Variants in KIAA1217 observed in about 807,000 individuals in gnomAD.
KIAA1217 encodes KIAA1217.
Under a neutral mutation model 163.9 loss-of-function variants are expected in KIAA1217, and 88 were observed. That is an observed-to-expected ratio of 0.54 (90% confidence interval 0.45 to 0.64). The LOEUF (loss-of-function observed/expected upper bound fraction) is 0.64. KIAA1217 is among the 30% of genes least tolerant of loss of function. The pLI is 0.00. For missense variants in KIAA1217, 2,372 were observed against 2,475.0 expected, an observed-to-expected ratio of 0.96 and a Z score of 0.88; for synonymous variants, 903 against 923.1, an observed-to-expected ratio of 0.98 and a Z score of 0.39.
intron 2 of KIAA1217, among the ~76,000 whole-genome samples, chr10:24,031,689 G>C (rs1407503607): frequency 4.6e-5 from 7 of 151,624 alleles, no homozygotes; most frequent in Admixed American, 3.3e-4. Flanking sequence ...TAATTTCACT[G>C]TTTGTGTGTG....
At chr10:24,324,628 A>G (rs888388797) in intron 2 of KIAA1217, among the ~76,000 whole-genome samples, 1 of 152,128 alleles carries the variant, frequency 6.6e-6, no homozygotes, top group Non-Finnish European at 1.5e-5. Context: ...ACTATGGATA[A>G]ATTGACCCAG....
intron 1 of KIAA1217, among the ~76,000 whole-genome samples, chr10:23,981,988 T>C (rs1845785305): frequency 6.7e-6 from 1 of 148,548 alleles, no homozygotes; most frequent in Admixed American, 6.7e-5. Flanking sequence ...CGCTGCAGAG[T>C]TGAGAGGTAG....
At chr10:23,986,570 GC>G (rs1447425597) in intron 1 of KIAA1217, among the ~76,000 whole-genome samples, 3 of 152,014 alleles carry the variant, frequency 2.0e-5, no homozygotes, top group Non-Finnish European at 4.4e-5. Context: ...TGACTGTACT[GC>G]TATTTTTTGT....
chr10:24,541,408 T>C (rs1297424414), intron 17 of KIAA1217, among the ~76,000 whole-genome samples: 1 of 152,028 alleles, frequency 6.6e-6, no homozygotes, highest in Non-Finnish European at 1.5e-5. Context: ...TGCGTGTGAT[T>C]AATTCTGACT....
intron 1 of KIAA1217, among the ~76,000 whole-genome samples, chr10:23,899,294 A>G (rs115260407): frequency 0.015 from 2,214 of 152,188 alleles, 56 homozygotes; most frequent in African/African-American, 0.048. Context: ...CCTGCATGAG[A>G]GTTCTTGTTG....
intron 1 of KIAA1217, among the ~76,000 whole-genome samples, chr10:23,960,101 G>C (rs1177036834): frequency 6.6e-6 from 1 of 150,742 alleles, no homozygotes; most frequent in African/African-American, 2.4e-5. Context: ...ATTTTTAGTA[G>C]AGATGGGGTT....
intron 1 of KIAA1217, among the ~76,000 whole-genome samples, chr10:23,909,733 G>C (rs146648933): frequency 0.017 from 2,657 of 152,184 alleles, 46 homozygotes; most frequent in Admixed American, 0.052. Flanking sequence ...TTGCTATTGT[G>C]AACAGTGCCG....
chr10:23,717,028 TGTTA>T (rs1285284742), intron 1 of KIAA1217, among the ~76,000 whole-genome samples: 2 of 152,150 alleles, frequency 1.3e-5, no homozygotes, highest in Non-Finnish European at 2.9e-5. Context: ...CAGAAATCCA[TGTTA>T]AACAACTAAC....
chr10:24,135,073 T>G (rs2063784625), intron 2 of KIAA1217, among the ~76,000 whole-genome samples: 2 of 152,184 alleles, frequency 1.3e-5, no homozygotes. Flanking sequence ...AGCTCCTACA[T>G]TCTGTGACCT....
At chr10:24,508,952 TAG>T (rs1200539864) in intron 9 of KIAA1217, among the ~76,000 whole-genome samples, 1 of 152,216 alleles carries the variant, frequency 6.6e-6, no homozygotes, top group African/African-American at 2.4e-5. Flanking sequence ...ATAAAATATA[TAG>T]CTGTCTTTCA....
At chr10:24,197,203 C>T (rs1197804661) in intron 2 of KIAA1217, among the ~76,000 whole-genome samples, 2 of 152,138 alleles carry the variant, frequency 1.3e-5, no homozygotes, top group African/African-American at 4.8e-5. Context: ...CATATATACA[C>T]GGTTTCAGCA....
chr10:24,372,618 C>T (rs955025391), intron 2 of KIAA1217, among the ~76,000 whole-genome samples: 15 of 152,158 alleles, frequency 9.9e-5, no homozygotes, highest in East Asian at 3.9e-4. Context: ...CAAACCTGCA[C>T]GCCAAAATAA....
intron 1 of KIAA1217, among the ~76,000 whole-genome samples, chr10:23,756,902 A>T (rs1833946776): frequency 6.6e-6 from 1 of 152,228 alleles, no homozygotes; most frequent in African/African-American, 2.4e-5. Flanking sequence ...GAAATGCTAT[A>T]CCCATTAAAC....
At chr10:24,232,935 C>CAAAAAAAAAAAAAAAAAAA (rs908492411) in intron 2 of KIAA1217, among the ~76,000 whole-genome samples, 2 of 56,318 alleles carry the variant, frequency 3.6e-5, no homozygotes, top group Non-Finnish European at 6.1e-5. Flanking sequence ...CTTATCTCTA[C>CAAAAAAAAAAAAAAAAAAA]AAAAAAAAAA....
At position 24,048,469 on chromosome 10, in the gene KIAA1217, G is replaced by A. The variant is rs897299897; in HGVS notation, c.-171+41095G>A. 3.9e-5 allele frequency among the ~76,000 whole-genome samples: 6 copies of A among 152,188 alleles called. No homozygotes were observed. The South Asian group carries it at 8.3e-4, about 21-fold the overall frequency. On this transcript the variant is annotated intron_variant, in intron 2 of 18. Transcript: ENST00000376462. ...GCCCAGGTTGGGCACGGTGGCTCAC[G>A]CCTTTAATCCCAGCACCTTGGGAGG...
intron 1 of KIAA1217, among the ~76,000 whole-genome samples, chr10:23,855,541 C>T (rs2131113806): frequency 6.6e-6 from 1 of 152,172 alleles, no homozygotes; most frequent in East Asian, 1.9e-4. Context: ...CTCTGTATTT[C>T]CTGAATCTGA....
chr10:24,249,643 T>G (rs1019895307), intron 2 of KIAA1217, among the ~76,000 whole-genome samples: 1 of 152,194 alleles, frequency 6.6e-6, no homozygotes, highest in African/African-American at 2.4e-5. Flanking sequence ...CCATATACAC[T>G]TAAATCACTG....
intron 2 of KIAA1217, among the ~76,000 whole-genome samples, chr10:24,062,218 A>G (rs2060751334): frequency 6.6e-6 from 1 of 151,006 alleles, no homozygotes; most frequent in South Asian, 2.1e-4. Flanking sequence ...TACATGTGCC[A>G]TGTTGGTGTG....
At chr10:24,233,620 G>C (rs1424937768) in intron 2 of KIAA1217, among the ~76,000 whole-genome samples, 2 of 152,168 alleles carry the variant, frequency 1.3e-5, no homozygotes, top group East Asian at 3.9e-4. Flanking sequence ...TGTTAGATGT[G>C]ATCAGAGAGT....
Sources: allele counts gnomAD v4.1 joint callset (sites outside exome capture counted in the v4.1 genomes callset), GRCh38; gene constraint gnomAD v4.1.1; transcripts MANE v1.5; gene names NCBI Gene and HGNC (gene_info 2026-07-23, HGNC 2026-07-21).